LRTM1: variants seen among roughly 807,000 people sequenced by gnomAD.
LRTM1 encodes leucine rich repeat transmembrane protein 1.
In LRTM1, 38 loss-of-function variants were observed where a neutral mutation model predicts 32.4. The ratio of observed to expected loss-of-function variants is 1.17; its 90% confidence interval spans 0.91 to 1.54. LRTM1 has a LOEUF of 1.54. Among genes scored for constraint, LRTM1 ranks in the 40% most tolerant of loss-of-function variants. The probability of loss-of-function intolerance (pLI) is 0.00; values close to 1 mark genes in which losing one functional copy is unlikely to be tolerated. For synonymous variants in LRTM1, 186 were observed against 169.9 expected (o/e 1.09, Z -0.74); for missense variants, 466 against 415.4 (o/e 1.12, Z -1.06).
intron 1 of LRTM1, among the ~76,000 whole-genome samples, chr3:54,965,165 A>G (rs1021057734): frequency 1.3e-5 from 2 of 152,178 alleles, no homozygotes; most frequent in African/African-American, 2.4e-5. Context: ...GTGCAAACCA[A>G]TTAGTGTGGC....
intron 1 of LRTM1, among the ~76,000 whole-genome samples, chr3:54,937,092 T>C (rs1701346933): frequency 6.6e-6 from 1 of 152,194 alleles, no homozygotes; most frequent in East Asian, 1.9e-4. Flanking sequence ...GGTGTTTCTC[T>C]ATTTTTGGTG....
chr3:54,960,210 A>C (rs2107044074), intron 1 of LRTM1, among the ~76,000 whole-genome samples: 1 of 152,314 alleles, frequency 6.6e-6, no homozygotes, highest in South Asian at 2.1e-4. Context: ...AGGCCTCCTC[A>C]GCAAAGAAAA....
chr3:54,921,270 C>A (rs1364688939), intron 2 of LRTM1, among the ~76,000 whole-genome samples: 2 of 152,136 alleles, frequency 1.3e-5, no homozygotes, highest in African/African-American at 4.8e-5. Flanking sequence ...ACTCCCTTGA[C>A]CACGTTGTGC....
intron 2 of LRTM1, among the ~76,000 whole-genome samples, chr3:54,919,477 G>A (rs962594219): frequency 6.6e-6 from 1 of 152,188 alleles, no homozygotes; most frequent in African/African-American, 2.4e-5. Context: ...TACCATGAAT[G>A]TGTCTCCTCA....
chr3:54,932,566 C>T (rs918717092), upstream of LRTM1, among the ~76,000 whole-genome samples: 7 of 152,256 alleles, frequency 4.6e-5, no homozygotes. Flanking sequence ...CTTCTAGTGA[C>T]TGGCTGAGTT....
At chr3:54,956,370 C>G (rs1201724480) in intron 1 of LRTM1, among the ~76,000 whole-genome samples, 1 of 152,192 alleles carries the variant, frequency 6.6e-6, no homozygotes, top group East Asian at 1.9e-4. Context: ...GACCCACCAC[C>G]AAGGGGACAA....
intron 1 of LRTM1, among the ~76,000 whole-genome samples, chr3:54,942,209 T>C (rs1701488350): frequency 6.6e-6 from 1 of 152,186 alleles, no homozygotes; most frequent in African/African-American, 2.4e-5. Context: ...CCCAGGTGTG[T>C]CAGTGCTTTT....
intron 1 of LRTM1, among the ~76,000 whole-genome samples, chr3:54,949,566 T>C (rs1163209394): frequency 6.6e-6 from 1 of 152,180 alleles, no homozygotes; most frequent in Admixed American, 6.5e-5. Context: ...ATCTACCCAT[T>C]GATGCCATAC....
At chr3:54,945,842 A>G (rs1251743006) in intron 1 of LRTM1, among the ~76,000 whole-genome samples, 1 of 152,182 alleles carries the variant, frequency 6.6e-6, no homozygotes, top group Non-Finnish European at 1.5e-5. Flanking sequence ...TCTGCCAGGT[A>G]GTCAGTGGGC....
At chr3:54,941,144 G>A (rs1374177080) in intron 1 of LRTM1, among the ~76,000 whole-genome samples, 2 of 152,086 alleles carry the variant, frequency 1.3e-5, no homozygotes, top group African/African-American at 4.8e-5. Flanking sequence ...AGGAAATATT[G>A]GCCCCAGTTA....
At chr3:54,947,744 C>T (rs563772722) in intron 1 of LRTM1, among the ~76,000 whole-genome samples, 62 of 152,182 alleles carry the variant, frequency 4.1e-4, no homozygotes, top group African/African-American at 1.5e-3. Flanking sequence ...CTATGTATTC[C>T]AAATATGAAG....
chr3:54,944,477 G>A (rs1240866775), intron 1 of LRTM1, among the ~76,000 whole-genome samples: 3 of 151,912 alleles, frequency 2.0e-5, no homozygotes, highest in Non-Finnish European at 4.4e-5. Context: ...CTGGAGTGCA[G>A]TGGCATGATC....
At position 54,918,264 on chromosome 3, in the gene LRTM1, A is replaced by G. The variant is rs1700711957; in HGVS notation, c.*195T>C. 1 of 587,348 alleles carries G rather than the reference A, an allele frequency of 1.7e-6. No individual in the cohort carries two copies. The highest frequency in any genetic ancestry group is 1.9e-5 in the African/African-American group (1 of 51,736). The allele number at this position is 587,348 out of a possible 1,614,324, so 36.4% of individuals were successfully genotyped here. On this transcript the variant is annotated 3_prime_UTR_variant, in exon 3 of 3. Coordinates refer to ENST00000273286, the MANE Select transcript of LRTM1 (RefSeq NM_020678.4). ...CAAGTATCATCTTTATTTTACCTAT[A>G]GTATTTTAAAAATCGCAACATAAAT... is the stretch of plus-strand genomic sequence containing the variant.
chr3:54,919,542 C>T (rs1315416488), intron 2 of LRTM1, among the ~76,000 whole-genome samples: 1 of 152,078 alleles, frequency 6.6e-6, no homozygotes. Context: ...GTTATTAAAC[C>T]CAGTTTCCAT....
intron 1 of LRTM1, among the ~76,000 whole-genome samples, chr3:54,961,426 T>C (rs943935331): frequency 1.3e-5 from 2 of 152,344 alleles, no homozygotes; most frequent in East Asian, 1.9e-4. Context: ...ATTTATTTAT[T>C]ATTAACTTAT....
Position 54,953,790 on chromosome 3 carries a change from G to A in LRTM1, c.-222+13138C>T, listed in dbSNP as rs138586356. On this transcript the variant is annotated intron_variant, in intron 1 of 2. Transcript: ENST00000493075. Reference sequence around the variant, plus strand: ...TGGGAATCACTGGGAGTGGGTGAGGGGGGTGCACTGCAAGTCAGTGCGCAC... The same window carrying A: ...TGGGAATCACTGGGAGTGGGTGAGGAGGGTGCACTGCAAGTCAGTGCGCAC... Among the ~76,000 whole-genome samples the A allele has an allele frequency of 2.6e-3, 396 of 152,212 alleles. 4 individuals are homozygous for A. Among genetic ancestry groups the A allele is most frequent in the African/African-American group, 9.0e-3 (372 of 41,532 alleles).
In LRTM1 at chr3:54,918,418, T is replaced by A. The variant is rs752846135; in HGVS notation, c.*41A>T. The A allele has an allele frequency of 9.1e-6, 14 of 1,545,520 alleles. No individual in the cohort carries two copies. The highest frequency in any genetic ancestry group is 3.5e-4 in the Middle Eastern group (2 of 5,730). On this transcript the variant is annotated 3_prime_UTR_variant, in exon 3 of 3. Transcript: ENST00000273286. ...ACATCAGCCCTACTCAGACACTATC[T>A]TCTGGCCTGCAATGACCAATCCTAT... is the stretch of plus-strand genomic sequence containing the variant.
chr3:54,954,544 TCC>T lies in LRTM1; in HGVS notation c.-222+12382_-222+12383del, dbSNP rs1461838147. Among the ~76,000 whole-genome samples the T allele has an allele frequency of 7.2e-5, 11 of 152,336 alleles. No individual in the cohort carries two copies. The East Asian group carries it at 1.9e-3, about 27-fold the overall frequency. ...GTCGGGGTCTACCAGCCCTTCGGCT[TCC>T]CTTTGATTCTCTTCCCTTTCCAGTC... On this transcript the variant is annotated intron_variant, in intron 1 of 2. Coordinates refer to the LRTM1 transcript ENST00000493075.
At chr3:54,927,037 A>T (rs1460781499) in intron 1 of LRTM1, among the ~76,000 whole-genome samples, 1 of 152,228 alleles carries the variant, frequency 6.6e-6, no homozygotes, top group African/African-American at 2.4e-5. Flanking sequence ...GTGGTAGAGG[A>T]ATTCATGAGC....
Sources: allele counts gnomAD v4.1 joint callset (sites outside exome capture counted in the v4.1 genomes callset), GRCh38; gene constraint gnomAD v4.1.1; transcripts MANE v1.5; gene names NCBI Gene and HGNC (gene_info 2026-07-23, HGNC 2026-07-21).